ADGRL2: variants seen among roughly 807,000 people sequenced by gnomAD.
ADGRL2 encodes calcium-independent alpha-latrotoxin receptor 2.
A neutral mutation model predicts 157.4 loss-of-function variants in ADGRL2; 44 were observed. The observed-to-expected ratio is 0.28, with a 90% CI of 0.22 to 0.36. The LOEUF (loss-of-function observed/expected upper bound fraction) is 0.36, where lower values mean the gene tolerates loss of function less well. Ranked by LOEUF, ADGRL2 falls within the 10% of genes least tolerant of loss-of-function variation. The pLI, the probability that ADGRL2 is intolerant of heterozygous loss-of-function variation, is 1.00. For missense variants in ADGRL2, 1,510 were observed against 1,768.9 expected (o/e 0.85, Z 2.63); for synonymous variants, 585 against 624.7 (o/e 0.94, Z 0.95).
At chr1:81,738,794 C>T (rs2084982179) in intron 1 of ADGRL2, among the ~76,000 whole-genome samples, 1 of 152,206 alleles carries the variant, frequency 6.6e-6, no homozygotes, top group African/African-American at 2.4e-5. Flanking sequence ...CTTTCTTGGC[C>T]TCACCTCAGC....
chr1:81,951,151 T>C (rs756944216), intron 8 of ADGRL2, 30 bp downstream of exon 8: 1 of 1,433,048 alleles, frequency 7.0e-7, no homozygotes, highest in Non-Finnish European at 9.8e-7. Flanking sequence ...TATGACACAT[T>C]GGTGATTTAG....
chr1:81,663,544 A>G (rs2082698660), intron 3 of ADGRL2, among the ~76,000 whole-genome samples: 1 of 152,214 alleles, frequency 6.6e-6, no homozygotes, highest in African/African-American at 2.4e-5. Context: ...TTCAGAGTGC[A>G]AAGAGGAAGT....
At chr1:81,842,164 A>G (rs578082523) in intron 2 of ADGRL2, among the ~76,000 whole-genome samples, 1 of 152,086 alleles carries the variant, frequency 6.6e-6, no homozygotes, top group South Asian at 2.1e-4. Flanking sequence ...GGGTGTAGAC[A>G]TGGTACAACT....
chr1:81,498,425 AC>A (rs1209326074), intron 2 of ADGRL2, among the ~76,000 whole-genome samples: 1 of 152,202 alleles, frequency 6.6e-6, no homozygotes, highest in Non-Finnish European at 1.5e-5. Context: ...AGCATTCAGA[AC>A]CATTTAATCT....
intron 2 of ADGRL2, among the ~76,000 whole-genome samples, chr1:81,854,822 T>A (rs1280884082): frequency 6.6e-6 from 1 of 152,088 alleles, no homozygotes; most frequent in Non-Finnish European, 1.5e-5. Flanking sequence ...ATATTGCCAC[T>A]AAGAAATGGG....
At chr1:81,323,430 T>G (rs76647461) in intron 1 of ADGRL2, among the ~76,000 whole-genome samples, 1 of 132,630 alleles carries the variant, frequency 7.5e-6, no homozygotes, top group Non-Finnish European at 1.7e-5. Flanking sequence ...TTTTTTTTTT[T>G]TTGTAGAGAA....
At chr1:81,454,714 C>T (rs1317239372) in intron 2 of ADGRL2, among the ~76,000 whole-genome samples, 1 of 152,160 alleles carries the variant, frequency 6.6e-6, no homozygotes, top group Non-Finnish European at 1.5e-5. Context: ...TGTCACATAA[C>T]ATTTAGATAT....
At chr1:81,771,639 CAAGAT>C (rs565156596) in intron 2 of ADGRL2, among the ~76,000 whole-genome samples, 138 of 152,026 alleles carry the variant, frequency 9.1e-4, no homozygotes, top group Non-Finnish European at 1.7e-3. Flanking sequence ...CTAAAGAGTC[CAAGAT>C]AAGAATCTAG....
At chr1:81,982,530 A>T (rs764570861) in intron 19 of ADGRL2, among the ~76,000 whole-genome samples, 13 of 151,956 alleles carry the variant, frequency 8.6e-5, no homozygotes, top group Non-Finnish European at 1.2e-4. Context: ...TAGCAAGAAG[A>T]TGTAAACCTA....
At chr1:81,581,037 A>G (rs1270825991) in intron 3 of ADGRL2, 1 of 152,210 alleles carries the variant, frequency 6.6e-6, no homozygotes, top group Non-Finnish European at 1.5e-5. Flanking sequence ...AAATTTTCTC[A>G]GATTTTTCTG....
At chr1:81,353,768 A>G (rs1663082837) in intron 1 of ADGRL2, among the ~76,000 whole-genome samples, 1 of 152,152 alleles carries the variant, frequency 6.6e-6, no homozygotes, top group East Asian at 1.9e-4. Context: ...CCCTGGGATG[A>G]TAGTGTGAAC....
Position 81,790,270 on chromosome 1 carries a change from C to T in ADGRL2, c.-101+28418C>T, listed in dbSNP as rs899633133. On this transcript the variant is annotated intron_variant, in intron 2 of 20. Transcript: ENST00000359929. Reference sequence around the variant, plus strand: ...CCTATCTAATGCACGCACACACACACACATGAACACACACAAAAACACACA... The same window carrying T: ...CCTATCTAATGCACGCACACACACATACATGAACACACACAAAAACACACA... Among the ~76,000 whole-genome samples the T allele has an allele frequency of 2.0e-5, 3 of 152,146 alleles. No homozygotes were observed. In the East Asian group the frequency reaches 5.8e-4, roughly 29 times the overall value.
At chr1:81,416,000 C>A (rs2077026999) in intron 1 of ADGRL2, among the ~76,000 whole-genome samples, 1 of 152,122 alleles carries the variant, frequency 6.6e-6, no homozygotes, top group African/African-American at 2.4e-5. Context: ...GCCACCATGC[C>A]AGGCTAATTT....
In ADGRL2 at chr1:81,364,828, G is replaced by A. The variant is rs993400118; in HGVS notation, c.-302+58319G>A. 3.2e-4 allele frequency among the ~76,000 whole-genome samples: 48 copies of A among 151,526 alleles called. 1 individual carries two copies. The highest frequency in any genetic ancestry group is 3.3e-4 in the Admixed American group (5 of 15,180). ...AATTCTCCTGCCTCAGTCTCCTAGC[G>A]AATTTTTATATTTTTAGTAGGGATG... On this transcript the variant is annotated intron_variant, in intron 1 of 24. Transcript: ENST00000370721.
intron 2 of ADGRL2, among the ~76,000 whole-genome samples, chr1:81,499,527 T>C (rs2078799182): frequency 6.6e-6 from 1 of 152,266 alleles, no homozygotes; most frequent in African/African-American, 2.4e-5. Flanking sequence ...AATAGGAGCA[T>C]CTTGCTGGTG....
intron 2 of ADGRL2, among the ~76,000 whole-genome samples, chr1:81,904,667 T>C (rs2094551501): frequency 6.6e-6 from 1 of 152,144 alleles, no homozygotes; most frequent in African/African-American, 2.4e-5. Context: ...CACAGCACTT[T>C]GGGAAGCGGA....
At chr1:81,974,594 G>A (rs1196247909) in intron 17 of ADGRL2, among the ~76,000 whole-genome samples, 1 of 152,094 alleles carries the variant, frequency 6.6e-6, no homozygotes, top group African/African-American at 2.4e-5. Flanking sequence ...GGGTCAGAAC[G>A]TGCACAGTTC....
intron 3 of ADGRL2, among the ~76,000 whole-genome samples, chr1:81,629,618 T>C (rs1020213735): frequency 2.0e-5 from 3 of 152,014 alleles, no homozygotes; most frequent in Non-Finnish European, 2.9e-5. Flanking sequence ...GCTTGGATCA[T>C]AACAGGCAAC....
chr1:81,624,691 A>G (rs941598463), intron 3 of ADGRL2, among the ~76,000 whole-genome samples: 3 of 152,252 alleles, frequency 2.0e-5, no homozygotes, highest in African/African-American at 7.2e-5. Flanking sequence ...CTGTAGTTCA[A>G]GTTTAAATAG....
Sources: gnomAD v4.1 joint callset for allele counts (sites outside exome capture counted in the v4.1 genomes callset) on GRCh38, gnomAD v4.1.1 for gene constraint, MANE v1.5 for transcripts, NCBI Gene and HGNC (gene_info 2026-07-23, HGNC 2026-07-21) for gene names.